MPP1: variants seen among roughly 807,000 people sequenced by gnomAD.
MPP1 encodes MAGUK p55 scaffold protein 1.
In MPP1, 6 loss-of-function variants were observed where a neutral mutation model predicts 38.2. That is an observed-to-expected ratio of 0.16 (90% CI 0.09 to 0.31). MPP1 has a LOEUF of 0.31. MPP1 is among the 10% of genes least tolerant of loss of function. MPP1 has a pLI of 1.00. For missense variants in MPP1, 293 were observed against 368.9 expected (o/e 0.79, Z 1.69); for synonymous variants, 153 against 146.3 (o/e 1.05, Z -0.33).
rs1335225808 is a variant in MPP1, at chrX:154,791,604, G to A, written c.325+165C>T. On this transcript the variant is annotated intron_variant, in intron 3 of 11. Transcript: ENST00000369534. ...GCAATTCACATAGAGATCTTATCAT[G>A]TACTGATTCTACAGAGCCAGTTATT... The A allele has an allele frequency of 6.8e-6, 3 of 441,485 alleles. No individual in the cohort carries two copies. In the African/African-American group the frequency reaches 7.3e-5, roughly 11 times the overall value. The allele number at this position is 441,485 out of a possible 1,213,427, so 36.4% of individuals were successfully genotyped here.
At chrX:154,781,996 G>C (rs2072013295) in intron 9 of MPP1, 194 bp from the exon 10 acceptor site, 2 of 362,601 alleles carry the variant, frequency 5.5e-6, no homozygotes, top group Non-Finnish European at 9.5e-6. Flanking sequence ...ATCTGCCCAG[G>C]ACACATTTAA....
At chrX:154,791,421 T>C (rs781903043) in intron 3 of MPP1, among the ~76,000 whole-genome samples, 1 of 112,506 alleles carries the variant, frequency 8.9e-6, no homozygotes, top group East Asian at 2.8e-4. Context: ...CTTTGTTGTT[T>C]AGCTCAAACC....
chrX:154,790,060 T>C (rs1557267581), intron 4 of MPP1, 38 bp from the exon 5 acceptor site: 2 of 945,108 alleles, frequency 2.1e-6, no homozygotes, highest in South Asian at 4.3e-5. Context: ...TACAGAAAAC[T>C]AAGTTGAATG....
intron 1 of MPP1, among the ~76,000 whole-genome samples, chrX:154,804,250 A>G (rs1228787928): frequency 1.8e-5 from 2 of 111,735 alleles, no homozygotes; most frequent in Non-Finnish European, 3.8e-5. Context: ...GTGAAATCGG[A>G]GGGTTACTGT....
chrX:154,801,759 A>AAAAG lies in MPP1; in HGVS notation c.102+3512_102+3513insCTTT, dbSNP rs1557268705. Among the ~76,000 whole-genome samples, 75 of 36,513 alleles carry AAAAG rather than the reference A, an allele frequency of 2.1e-3. 5 individuals are homozygous for AAAAG. The highest frequency in any genetic ancestry group is 2.8e-3 in the Non-Finnish European group (60 of 21,669). 31.7% of individuals were successfully genotyped at this position (36,513 alleles called of 115,157 possible). ...GGGTGACAGAGCAAAACTCTGTCTCAAAAAAAAAAAAAAAAAAAAAAAAAA... is the reference window on the plus strand; with the variant it reads ...GGGTGACAGAGCAAAACTCTGTCTCAAAAGAAAAAAAAAAAAAAAAAAAAAAAAA... On this transcript the variant is annotated intron_variant, in intron 1 of 11. Transcript: ENST00000369534.
intron 8 of MPP1, 102 bp from the exon 9 acceptor site, chrX:154,783,609 A>G: frequency 2.9e-6 from 2 of 689,870 alleles, no homozygotes; most frequent in South Asian, 2.6e-5. Context: ...ACAGGTGAAC[A>G]TGAGTTGGGG....
At position 154,805,450 on chromosome X, in the gene MPP1, G is replaced by A. The variant is rs2072312424; in HGVS notation, c.-77C>T. The A allele has an allele frequency of 1.0e-6, 1 of 959,976 alleles. No homozygotes were observed. The highest frequency in any genetic ancestry group is 1.4e-6 in the Non-Finnish European group (1 of 696,552). 79.1% of individuals were successfully genotyped at this position (959,976 alleles called of 1,213,427 possible). On this transcript the variant is annotated 5_prime_UTR_variant, in exon 1 of 12. Coordinates refer to ENST00000369534, the MANE Select transcript of MPP1 (RefSeq NM_002436.4). ...CAGGGCCCGGGGCCTGCGGGGCTGCGGAGAAGGCGGGAGACGCGGTGCGGC... is the reference window on the plus strand; with the variant it reads ...CAGGGCCCGGGGCCTGCGGGGCTGCAGAGAAGGCGGGAGACGCGGTGCGGC...
At position 154,779,231 on chromosome X, in the gene MPP1, G is replaced by A. The variant is rs1193234442; in HGVS notation, c.1347C>T (p.Ala449=). 4.1e-6 allele frequency: 5 copies of A among 1,211,890 alleles called. No individual in the cohort carries two copies. Among genetic ancestry groups the A allele is most frequent in the Non-Finnish European group, 4.5e-6 (4 of 895,534 alleles). Residue 449 remains alanine (A), a synonymous_variant, in exon 12 of 12, where the codon GCC becomes GCT. Transcript: ENST00000369534. ...GTGGAGAACTGCACGCTTGGTCGAA[G>A]GCTTCTTGTAATTTCTTAAGGGTTT... is the stretch of plus-strand genomic sequence containing the variant. ...VDETLKKLQE[A]FDQACSSPQW... is the part of the protein sequence containing the mutation.
chrX:154,799,236 G>A (rs781942079), intron 1 of MPP1, among the ~76,000 whole-genome samples: 23 of 112,077 alleles, frequency 2.1e-4, no homozygotes, highest in Non-Finnish European at 3.8e-4. Flanking sequence ...TCACTATCAC[G>A]CTTACCCAGA....
chrX:154,783,710 T>TAA (rs2072036367), intron 8 of MPP1: 1 of 435,376 alleles, frequency 2.3e-6, no homozygotes, highest in Non-Finnish European at 4.0e-6. Context: ...AGCAAGGACT[T>TAA]ACTCTGTTTC....
intron 1 of MPP1, among the ~76,000 whole-genome samples, chrX:154,801,807 T>C (rs1410535386): frequency 2.8e-5 from 2 of 71,132 alleles, no homozygotes; most frequent in Non-Finnish European, 5.6e-5. Flanking sequence ...AAAAAAGTCA[T>C]GAAGTTCCTG....
chrX:154,785,132 C>A lies in MPP1; in HGVS notation c.703G>T (p.Ala235Ser), dbSNP rs782389064. ...EWRVASMAQS[A>S]PSEAPSCSPF... ...CTGCAGCTCGGGGCTTCGCTAGGAG[C>A]TGACTGAGCCATACTTGCCACTCGC... The change falls in exon 7 of 12, where the codon GCT becomes TCT. Residue 235 changes from alanine to serine, a missense_variant. Transcript: ENST00000369534. 2.8e-5 allele frequency: 34 copies of A among 1,206,096 alleles called. No individual in the cohort carries two copies. The highest frequency in any genetic ancestry group is 3.7e-5 in the Non-Finnish European group (33 of 891,949).
At chrX:154,792,404 C>A (rs2072152851) in intron 1 of MPP1, 119 bp from the exon 2 acceptor site, 5 of 873,874 alleles carry the variant, frequency 5.7e-6, no homozygotes, top group Non-Finnish European at 1.6e-6. Context: ...AGTTTGGCCT[C>A]ATTCTTATTT....
chrX:154,791,809 C>G lies in MPP1; in HGVS notation c.285G>C (p.Thr95=), dbSNP rs148895563. Residue 95 remains threonine, a synonymous_variant, in exon 3 of 12, where the codon ACG becomes ACC. Transcript: ENST00000369534. ...TGCCACCATGAAGAATTCTGGCCAC[C>G]GTACAGGACTGTTTTTCATTCAGCT... ...TLKLNEKQSC[T]VARILHGGMI... 1.7e-6 allele frequency: 2 copies of G among 1,208,777 alleles called. No individual in the cohort carries two copies. The highest frequency in any genetic ancestry group is 4.4e-5 in the Admixed American group (2 of 45,729).
At chrX:154,802,060 TAG>T (rs1369812427) in intron 1 of MPP1, among the ~76,000 whole-genome samples, 17 of 111,852 alleles carry the variant, frequency 1.5e-4, no homozygotes, top group Non-Finnish European at 2.6e-4. Context: ...ATGCACACCG[TAG>T]ACTCAACCTC....
Position 154,791,865 on chromosome X carries a change from G to T in MPP1, c.247-18C>A. The T allele has an allele frequency of 8.6e-7, 1 of 1,166,050 alleles. No homozygotes were observed. Among genetic ancestry groups the T allele is most frequent in the South Asian group, 1.8e-5 (1 of 55,266 alleles). Reference sequence around the variant, plus strand: ...GTGATTCCCTGAAATAAAGGCGACGGCACAATAAGCTTTATTTTAAGCTCT... The same window carrying T: ...GTGATTCCCTGAAATAAAGGCGACGTCACAATAAGCTTTATTTTAAGCTCT... On this transcript the variant is annotated intron_variant, in intron 2 of 11. Transcript: ENST00000369534.
chrX:154,784,317 T>C (rs979291064), intron 7 of MPP1, among the ~76,000 whole-genome samples: 6 of 111,012 alleles, frequency 5.4e-5, no homozygotes, highest in Non-Finnish European at 9.4e-5. Flanking sequence ...TTTATCTAAC[T>C]TTTGCACCCT....
intron 11 of MPP1, among the ~76,000 whole-genome samples, chrX:154,780,480 C>A (rs1557266449): frequency 1.8e-5 from 2 of 112,647 alleles, no homozygotes; most frequent in Non-Finnish European, 3.8e-5. Context: ...ATATGAGATA[C>A]TATTTTTCCC....
chrX:154,787,822 T>C (rs1557267380), intron 5 of MPP1, among the ~76,000 whole-genome samples: 3 of 112,507 alleles, frequency 2.7e-5, no homozygotes, highest in Non-Finnish European at 5.6e-5. Flanking sequence ...CTATCATCAC[T>C]TCCACTGGGA....
Sources: allele counts gnomAD v4.1 joint callset (sites outside exome capture counted in the v4.1 genomes callset), GRCh38; gene constraint gnomAD v4.1.1; transcripts MANE v1.5; gene names NCBI Gene and HGNC (gene_info 2026-07-23, HGNC 2026-07-21).